SCAMP4: variants seen among roughly 807,000 people sequenced by gnomAD.
The protein encoded by SCAMP4 is secretory carrier membrane protein 4.
In SCAMP4, 19 loss-of-function variants were observed where a neutral mutation model predicts 32.1. That is an observed-to-expected ratio of 0.59 (90% CI 0.41 to 0.87). The LOEUF is 0.87. SCAMP4 is among the 40% of genes least tolerant of loss of function. The pLI, the probability that SCAMP4 is intolerant of heterozygous loss-of-function variation, is 0.00. For missense variants in SCAMP4, 302 were observed against 309.0 expected (o/e 0.98, Z 0.17); for synonymous variants, 152 against 132.7 (o/e 1.15, Z -1.00).
chr19:1,922,626 T>A, intron 5 of SCAMP4: 1 of 986,016 alleles, frequency 1.0e-6, no homozygotes. Context: ...GATGTAGGTT[T>A]CAGCAGTTCC....
intron 1 of SCAMP4, among the ~76,000 whole-genome samples, chr19:1,907,744 G>A (rs2013210034): frequency 1.3e-5 from 2 of 152,158 alleles, no homozygotes; most frequent in Non-Finnish European, 2.9e-5. Context: ...CTGCCCTCCT[G>A]AGGGGTCCCA....
chr19:1,919,499 T>TTC lies in SCAMP4; in HGVS notation c.395+510_395+511insCT, dbSNP rs979678704. On this transcript the variant is annotated intron_variant, in intron 5 of 6. Coordinates refer to ENST00000316097, the MANE Select transcript of SCAMP4 (RefSeq NM_079834.4). ...ATTTCTGCCTTTTTTCTTTTCTTTT[T>TTC]TTTTTTTTTTTTTTTGAGACAGAGT... 4.2e-6 allele frequency: 4 copies of TTC among 949,492 alleles called. No homozygotes were observed. The African/African-American group carries it at 7.2e-5, about 17-fold the overall frequency. 58.8% of individuals were successfully genotyped at this position (949,492 alleles called of 1,614,324 possible).
At chr19:1,922,246 C>G in intron 5 of SCAMP4, 1 of 985,420 alleles carries the variant, frequency 1.0e-6, no homozygotes. Flanking sequence ...GGTGGCTGAT[C>G]TAAGCAGTGC....
intron 1 of SCAMP4, chr19:1,905,709 T>C (rs900828563): frequency 6.5e-6 from 1 of 153,002 alleles, no homozygotes; most frequent in Non-Finnish European, 1.5e-5. Flanking sequence ...TTTCTGCGCG[T>C]GTGCGCCCTT....
At chr19:1,912,944 C>T (rs757728126) in intron 1 of SCAMP4, 2 of 1,610,434 alleles carry the variant, frequency 1.2e-6, no homozygotes, top group East Asian at 4.5e-5. Context: ...CTGGCTACGA[C>T]CTGTACGTGA....
At chr19:1,920,909 T>C in intron 5 of SCAMP4, 1 of 985,358 alleles carries the variant, frequency 1.0e-6, no homozygotes, top group Non-Finnish European at 1.2e-6. Flanking sequence ...CTCGTGCACG[T>C]GCGGCAGCAG....
intron 5 of SCAMP4, chr19:1,921,095 GC>G (rs1256694009): frequency 1.0e-6 from 1 of 985,320 alleles, no homozygotes; most frequent in African/African-American, 1.7e-5. Flanking sequence ...ACAGCGCACA[GC>G]GACTTCATGT....
In SCAMP4 at chr19:1,917,810, C is replaced by G; in HGVS notation, c.124C>G (p.Arg42Gly). The G allele has an allele frequency of 6.2e-7, 1 of 1,613,960 alleles. No homozygotes were observed. Among genetic ancestry groups the G allele is most frequent in the Non-Finnish European group, 8.5e-7 (1 of 1,179,884 alleles). Residue 42 changes from arginine to glycine, a missense_variant, in exon 3 of 7, where the codon CGG (arginine) becomes GGG (glycine). Coordinates refer to ENST00000316097, the MANE Select transcript of SCAMP4 (RefSeq NM_079834.4). ...EHQVLVKRIY[R>G]LWMFYCATLG... is the part of the protein sequence containing the mutation. ...CCAGGTCCTGGTGAAGAGGATCTACCGGCTGTGGATGTGTGAGTGCGCCTG... is the reference window on the plus strand; with the variant it reads ...CCAGGTCCTGGTGAAGAGGATCTACGGGCTGTGGATGTGTGAGTGCGCCTG...
intron 4 of SCAMP4, 112 bp downstream of exon 4, chr19:1,918,395 G>T: frequency 8.2e-7 from 1 of 1,212,282 alleles, no homozygotes; most frequent in Non-Finnish European, 1.1e-6. Flanking sequence ...CAGTGTGAAA[G>T]ACAGTTCACA....
At chr19:1,922,854 T>A (rs1212308988) in intron 5 of SCAMP4, 1 of 1,287,914 alleles carries the variant, frequency 7.8e-7, no homozygotes, top group Non-Finnish European at 9.8e-7. Flanking sequence ...CGCGGCTCAC[T>A]GCTGCGATGG....
chr19:1,912,977 C>T (rs150936899), intron 1 of SCAMP4: 19 of 1,609,746 alleles, frequency 1.2e-5, no homozygotes, highest in South Asian at 3.3e-5. Flanking sequence ...GCGCCATGTG[C>T]GCCATGGCCC....
At chr19:1,906,850 C>CAA (rs919454906) in intron 1 of SCAMP4, 4 of 66,454 alleles carry the variant, frequency 6.0e-5, no homozygotes, top group Non-Finnish European at 1.0e-4. Context: ...GACTCCGTCT[C>CAA]AAAAAAAAAA....
At chr19:1,912,017 C>T (rs1400789262) in intron 1 of SCAMP4, 38 of 1,419,280 alleles carry the variant, frequency 2.7e-5, no homozygotes, top group Non-Finnish European at 3.4e-5. Flanking sequence ...ACGGACTCCC[C>T]GGCTCTCCCC....
At chr19:1,913,106 CG>C in intron 1 of SCAMP4, 5 of 1,594,166 alleles carry the variant, frequency 3.1e-6, no homozygotes, top group Non-Finnish European at 3.4e-6. Flanking sequence ...AGGTGTTCCG[CG>C]GGGTGCTGGA....
At chr19:1,907,664 G>T (rs887868561) in intron 1 of SCAMP4, among the ~76,000 whole-genome samples, 6 of 152,174 alleles carry the variant, frequency 3.9e-5, no homozygotes, top group African/African-American at 9.6e-5. Flanking sequence ...TGACTCACCT[G>T]CCTGGAGCTA....
Position 1,925,955 on chromosome 19 carries a change from C to T in SCAMP4, c.*1671C>T, listed in dbSNP as rs2014087667. The T allele has an allele frequency of 6.9e-6, 1 of 143,918 alleles. No individual in the cohort carries two copies. The highest frequency in any genetic ancestry group is 1.5e-5 in the Non-Finnish European group (1 of 65,936). 8.9% of individuals were successfully genotyped at this position (143,918 alleles called of 1,614,324 possible). A position where few individuals can be genotyped will look rare whatever the true frequency, so the allele number is the denominator to read the frequency against. ...CGCCGTGTGTGGCCCCTCGCCGCAT[C>T]GTTGGGGTTTTGTTATGTGAAAATA... On this transcript the variant is annotated 3_prime_UTR_variant, in exon 7 of 7. Transcript: ENST00000316097.
chr19:1,914,588 A>G (rs544141208), intron 1 of SCAMP4: 6 of 240,910 alleles, frequency 2.5e-5, no homozygotes, highest in African/African-American at 1.3e-4. Context: ...TCCCTTTCAG[A>G]ACGGCCAGGG....
Position 1,924,387 on chromosome 19 carries a change from G to C in SCAMP4, c.*103G>C. 1 of 1,096,936 alleles carries C rather than the reference G, an allele frequency of 9.1e-7. No homozygotes were observed. The highest frequency in any genetic ancestry group is 1.3e-6 in the Non-Finnish European group (1 of 766,318). 68.0% of individuals were successfully genotyped at this position (1,096,936 alleles called of 1,614,324 possible). A position where few individuals can be genotyped will look rare whatever the true frequency, so the allele number is the denominator to read the frequency against. ...GAGTACCTGGGGCCCCATCCCCCCAGCTGGGATGGTGGAAGCCGGTGGTGG... is the reference window on the plus strand; with the variant it reads ...GAGTACCTGGGGCCCCATCCCCCCACCTGGGATGGTGGAAGCCGGTGGTGG... On this transcript the variant is annotated 3_prime_UTR_variant, in exon 7 of 7. Transcript: ENST00000316097.
chr19:1,916,850 T>C (rs555140047), intron 2 of SCAMP4, among the ~76,000 whole-genome samples: 1 of 152,348 alleles, frequency 6.6e-6, no homozygotes, highest in African/African-American at 2.4e-5. Context: ...CTCCCCGCAG[T>C]GTGCGGACTC....
Sources: allele counts gnomAD v4.1 joint callset (sites outside exome capture counted in the v4.1 genomes callset), GRCh38; gene constraint gnomAD v4.1.1; transcripts MANE v1.5; gene names NCBI Gene and HGNC (gene_info 2026-07-23, HGNC 2026-07-21).